Variants in DLL3 observed in about 807,000 individuals in gnomAD.
DLL3 encodes the protein delta like canonical Notch ligand 3, also known as delta-like protein 3.
A neutral mutation model predicts 55.0 loss-of-function variants in DLL3; 49 were observed. The ratio of observed to expected loss-of-function variants is 0.89; its 90% CI spans 0.71 to 1.13. The LOEUF (loss-of-function observed/expected upper bound fraction) is 1.13. DLL3 is among the 50% of genes most tolerant of loss of function. The pLI is 0.00. For missense variants in DLL3, 962 were observed against 875.5 expected, an observed-to-expected ratio of 1.10 and a Z score of -1.25; for synonymous variants, 421 against 385.2, an observed-to-expected ratio of 1.09 and a Z score of -1.09.
Position 39,499,213 on chromosome 19 carries a change from G to C in DLL3, c.91G>C (p.Glu31Gln). The C allele has an allele frequency of 6.4e-7, 1 of 1,566,034 alleles. No homozygotes were observed. Residue 31 changes from glutamate to glutamine, a missense_variant, in exon 2 of 9, where the codon GAG (glutamate) becomes CAG (glutamine). Coordinates refer to ENST00000356433, the MANE Select transcript of DLL3 (RefSeq NM_203486.3). ...LPQTRPAGVF[E>Q]LQIHSFGPGP... ...CCAGACACGGCCCGCTGGCGTCTTC[G>C]AGCTGCAGATCCACTCTTTCGGGCC...
intron 6 of DLL3, 117 bp from the exon 7 acceptor site, chr19:39,506,922 C>T (rs2079644033): frequency 9.1e-6 from 10 of 1,099,972 alleles, no homozygotes; most frequent in Non-Finnish European, 1.3e-5. Context: ...AAGACGCTGG[C>T]CCTTAAGTTA....
At chr19:39,505,036 C>G (rs1024438247) in intron 5 of DLL3, among the ~76,000 whole-genome samples, 193 bp from the exon 6 acceptor site, 1 of 152,082 alleles carries the variant, frequency 6.6e-6, no homozygotes, top group Non-Finnish European at 1.5e-5. Context: ...AGCCTCCTCC[C>G]TCTGGGGTCA....
intron 4 of DLL3, among the ~76,000 whole-genome samples, chr19:39,503,514 C>T (rs770667804): frequency 6.6e-6 from 1 of 152,218 alleles, no homozygotes; most frequent in Admixed American, 6.5e-5. Context: ...AATCTCCTCC[C>T]AGTCCACTCT....
chr19:39,499,174 C>A lies in DLL3; in HGVS notation c.70-18C>A. 3 of 1,589,168 alleles carry A rather than the reference C, an allele frequency of 1.9e-6. No homozygotes were observed. In the South Asian group the frequency reaches 3.4e-5, roughly 18 times the overall value. On this transcript the variant is annotated intron_variant, in intron 1 of 8. Transcript: ENST00000356433. ...GGGTCCTCCCGGCCGCCTCACCCTG[C>A]GCCCGTCTCCGTCCCAGACACGGCC...
At chr19:39,500,594 C>A in intron 2 of DLL3, 21 bp from the exon 3 acceptor site, 1 of 1,610,458 alleles carries the variant, frequency 6.2e-7, no homozygotes, top group South Asian at 1.1e-5. Context: ...CTTTCATCTC[C>A]CCCTTCCTTC....
At chr19:39,502,197 CA>C (rs199914742) in intron 3 of DLL3, among the ~76,000 whole-genome samples, 7 of 146,444 alleles carry the variant, frequency 4.8e-5, no homozygotes, top group African/African-American at 1.2e-4. Flanking sequence ...AAAAAACAAA[CA>C]AAAAAAAAAC....
At position 39,498,949 on chromosome 19, in the gene DLL3, T is replaced by C; in HGVS notation, c.-26T>C. The C allele has an allele frequency of 6.2e-7, 1 of 1,612,204 alleles. No individual in the cohort carries two copies. The highest frequency in any genetic ancestry group is 8.5e-7 in the Non-Finnish European group (1 of 1,179,442). On this transcript the variant is annotated 5_prime_UTR_variant, in exon 1 of 9. Transcript: ENST00000356433. ...AGGCTTGGAAGCCAGCAGCTGCGAC[T>C]CCCGAGACCCCCCCACCAGAAGGCC...
chr19:39,501,893 A>T (rs528332876), intron 3 of DLL3, among the ~76,000 whole-genome samples: 1 of 152,202 alleles, frequency 6.6e-6, no homozygotes, highest in African/African-American at 2.4e-5. Context: ...ATTTACAAAG[A>T]TCTGGGTCAA....
chr19:39,505,475 C>T (rs371137037), intron 6 of DLL3, 24 bp downstream of exon 6: 11 of 1,612,244 alleles, frequency 6.8e-6, no homozygotes, highest in Admixed American at 1.7e-5. Context: ...GCCTGAACGG[C>T]GAGGGATGGG....
chr19:39,506,766 A>C (rs2079643306), intron 6 of DLL3, among the ~76,000 whole-genome samples: 1 of 152,196 alleles, frequency 6.6e-6, no homozygotes, highest in Admixed American at 6.6e-5. Flanking sequence ...TCAAACACGT[A>C]GTTCTGGGAG....
chr19:39,508,350 A>G lies in DLL3; in HGVS notation c.*93A>G. The G allele has an allele frequency of 2.8e-6, 4 of 1,432,372 alleles. No individual in the cohort carries two copies. The highest frequency in any genetic ancestry group is 3.9e-6 in the Non-Finnish European group (4 of 1,017,242). 88.7% of individuals were successfully genotyped at this position (1,432,372 alleles called of 1,614,324 possible). The stretch of plus-strand genomic sequence containing the variant: ...TCTGCCCCAGAGGCTTTGGAGTTCA[A>G]TCTTGAAGGGGTGTCTGGGGGAACT... On this transcript the variant is annotated 3_prime_UTR_variant, in exon 9 of 9. Coordinates refer to ENST00000356433, the MANE Select transcript of DLL3 (RefSeq NM_203486.3).
intron 2 of DLL3, 66 bp downstream of exon 2, chr19:39,499,539 C>T: frequency 6.5e-7 from 1 of 1,535,114 alleles, no homozygotes; most frequent in Non-Finnish European, 8.7e-7. Context: ...ACCTCCACCT[C>T]CTCTCCCCTC....
At position 39,500,725 on chromosome 19, in the gene DLL3, C is replaced by G. The variant is rs1421763738; in HGVS notation, c.409+53C>G. On this transcript the variant is annotated intron_variant, in intron 3 of 8. Transcript: ENST00000356433. ...GGGGAGCTGGGGCCCACGTGAGACA[C>G]GGGGTTGGTGGTGTTATCTATAGGT... The G allele has an allele frequency of 3.3e-6, 5 of 1,523,504 alleles. No homozygotes were observed. In the African/African-American group the frequency reaches 4.1e-5, roughly 12 times the overall value. 94.4% of individuals were successfully genotyped at this position (1,523,504 alleles called of 1,614,324 possible).
chr19:39,499,205 G>A lies in DLL3; in HGVS notation c.83G>A (p.Gly28Asp), dbSNP rs747594090. ...TCTCCGTCCCAGACACGGCCCGCTG[G>A]CGTCTTCGAGCTGCAGATCCACTCT... ...LIFLPQTRPAGVFELQIHSFG... is the reference protein window; with the variant it reads ...LIFLPQTRPADVFELQIHSFG... The change falls in exon 2 of 9, where the codon GGC (glycine) becomes GAC (aspartate). Residue 28 changes from glycine (G) to aspartate (D), a missense_variant. Coordinates refer to ENST00000356433, the MANE Select transcript of DLL3 (RefSeq NM_203486.3). 1.9e-6 allele frequency: 3 copies of A among 1,569,664 alleles called. No individual in the cohort carries two copies. The South Asian group carries it at 3.4e-5, about 18-fold the overall frequency.
chr19:39,500,538 G>A, intron 2 of DLL3, 77 bp from the exon 3 acceptor site: 1 of 1,359,198 alleles, frequency 7.4e-7, no homozygotes, highest in Non-Finnish European at 1.0e-6. Context: ...CTCCATTCCT[G>A]AACTCTGGCC....
intron 5 of DLL3, 83 bp from the exon 6 acceptor site, chr19:39,505,146 G>C (rs2079632368): frequency 7.1e-7 from 1 of 1,405,192 alleles, no homozygotes; most frequent in African/African-American, 1.4e-5. Flanking sequence ...ACAAGGAGCA[G>C]CCCCCAGTGG....
At chr19:39,500,559 A>C in intron 2 of DLL3, 56 bp from the exon 3 acceptor site, 4 of 1,510,770 alleles carry the variant, frequency 2.6e-6, no homozygotes, top group Non-Finnish European at 3.7e-6. Flanking sequence ...TTCATTGAGT[A>C]CTTACCCTAA....
At chr19:39,502,792 C>A in intron 3 of DLL3, 23 bp from the exon 4 acceptor site, 1 of 1,400,234 alleles carries the variant, frequency 7.1e-7, no homozygotes, top group South Asian at 1.6e-5. Context: ...ACCCCAGCAC[C>A]CCTCCTTTGC....
chr19:39,506,211 CAAAAAAAAAAAAAAAA>C lies in DLL3; in HGVS notation c.1093+775_1093+790del. On this transcript the variant is annotated intron_variant, in intron 6 of 8. Transcript: ENST00000356433. The stretch of plus-strand genomic sequence containing the variant: ...TGGGCGACAGAGTGACACTCTGTCT[CAAAAAAAAAAAAAAAA>C]AAAAAAAAAAAAAAGATTAAGTAAG... 3.7e-5 allele frequency among the ~76,000 whole-genome samples: 2 copies of C among 54,534 alleles called. 1 individual carries two copies. The highest frequency in any genetic ancestry group is 1.3e-3 in the South Asian group (2 of 1,530). The allele number at this position is 54,534 out of a possible 152,430, so 35.8% of individuals were successfully genotyped here.
Sources: allele counts gnomAD v4.1 joint callset (sites outside exome capture counted in the v4.1 genomes callset), GRCh38; gene constraint gnomAD v4.1.1; transcripts MANE v1.5; gene names NCBI Gene and HGNC (gene_info 2026-07-23, HGNC 2026-07-21).